The following ZNF83 variants were observed in gnomAD, a reference collection of about 807,000 sequenced individuals.
ZNF83 encodes the protein zinc finger protein 83, also known as zinc finger protein 816B.
For synonymous variants in ZNF83, 209 were observed against 213.0 expected, an observed-to-expected ratio of 0.98 and a Z score of 0.17; for missense variants, 552 against 629.9, an observed-to-expected ratio of 0.88 and a Z score of 1.32.
chr19:52,659,613 C>CAAAAAAAAAAAAAA (rs67918270), intron 2 of ZNF83, among the ~76,000 whole-genome samples: 13 of 114,240 alleles, frequency 1.1e-4, no homozygotes, highest in South Asian at 3.0e-4. Context: ...GACTCCAACT[C>CAAAAAAAAAAAAAA]AAAAAAAAAA....
At chr19:52,639,494 T>C (rs1183642433), upstream of ZNF83, among the ~76,000 whole-genome samples, 2 of 141,890 alleles carry the variant, frequency 1.4e-5, no homozygotes, top group Non-Finnish European at 3.0e-5. Context: ...CTGGGCTCAC[T>C]GCAGCCTCTG....
chr19:52,638,142 G>C (rs1285785719), intron 1 of ZNF83, among the ~76,000 whole-genome samples, 170 bp downstream of exon 1: 1 of 152,206 alleles, frequency 6.6e-6, no homozygotes, highest in Non-Finnish European at 1.5e-5. Flanking sequence ...GCCTCAGGGC[G>C]ACTTTAAACC....
intron 3 of ZNF83, chr19:52,652,443 A>G: frequency 2.5e-6 from 1 of 394,520 alleles, no homozygotes; most frequent in Non-Finnish European, 5.0e-6. Flanking sequence ...TGAAAAAAGA[A>G]AAAAAAATGA....
intron 1 of ZNF83, among the ~76,000 whole-genome samples, chr19:52,671,426 C>T (rs1353064461): frequency 6.6e-6 from 1 of 151,898 alleles, no homozygotes; most frequent in Non-Finnish European, 1.5e-5. Context: ...AGAAAATGTA[C>T]CTTTTATCTT....
intron 1 of ZNF83, among the ~76,000 whole-genome samples, chr19:52,669,768 C>T (rs1474416888): frequency 1.3e-5 from 2 of 152,162 alleles, no homozygotes; most frequent in Non-Finnish European, 2.9e-5. Context: ...TGTACTTATT[C>T]TTGTCAGGTG....
intron 2 of ZNF83, among the ~76,000 whole-genome samples, chr19:52,630,519 AG>A (rs2060916327): frequency 6.6e-6 from 1 of 152,078 alleles, no homozygotes; most frequent in Non-Finnish European, 1.5e-5. Flanking sequence ...CCACCTGCCC[AG>A]TTCCCTTGTT....
chr19:52,619,229 C>G (rs2060441591), intron 2 of ZNF83, among the ~76,000 whole-genome samples: 1 of 151,844 alleles, frequency 6.6e-6, no homozygotes. Flanking sequence ...TTTGATTATA[C>G]TTTTTGAAGA....
chr19:52,634,809 C>T (rs1249214436), intron 2 of ZNF83, among the ~76,000 whole-genome samples: 1 of 152,130 alleles, frequency 6.6e-6, no homozygotes, highest in Non-Finnish European at 1.5e-5. Context: ...ACGGGACCCT[C>T]ACCCCGTCTC....
chr19:52,618,920 G>C lies in ZNF83; in HGVS notation c.-233-4123C>G, dbSNP rs143384463. 120 of 1,547,834 alleles carry C rather than the reference G, an allele frequency of 7.8e-5. 13 individuals are homozygous for C. Among genetic ancestry groups the C allele is most frequent in the Middle Eastern group, 5.3e-4 (3 of 5,712 alleles). ...ACAAGGGAACATCCCCACTTCTGGA[G>C]GGAAGTTATCCTCACCCAGGGAGAC... On this transcript the variant is annotated intron_variant, in intron 2 of 2. Coordinates refer to ENST00000301096, the Ensembl canonical transcript of ZNF83.
At chr19:52,633,176 C>T (rs920089563) in intron 2 of ZNF83, among the ~76,000 whole-genome samples, 1 of 152,122 alleles carries the variant, frequency 6.6e-6, no homozygotes, top group Admixed American at 6.6e-5. Context: ...CATCCTGGCT[C>T]AAAAGCTCCC....
At chr19:52,619,045 C>A (rs2060431456) in intron 2 of ZNF83, 1 of 1,612,622 alleles carries the variant, frequency 6.2e-7, no homozygotes, top group Non-Finnish European at 8.5e-7. Context: ...TGGCCACATC[C>A]CTGAATGTCA....
chr19:52,667,081 T>TA (rs2061664395), intron 1 of ZNF83, among the ~76,000 whole-genome samples: 1 of 152,182 alleles, frequency 6.6e-6, no homozygotes, highest in South Asian at 2.1e-4. Flanking sequence ...ATCCCAAACT[T>TA]ACAACGTTTT....
chr19:52,687,986 A>C (rs936763072), intron 1 of ZNF83, among the ~76,000 whole-genome samples: 2 of 152,034 alleles, frequency 1.3e-5, no homozygotes, highest in African/African-American at 2.4e-5. Flanking sequence ...TCCAACTGGA[A>C]GCTAACCTCT....
chr19:52,682,890 A>G (rs373993630), intron 1 of ZNF83, among the ~76,000 whole-genome samples: 16 of 151,744 alleles, frequency 1.1e-4, no homozygotes, highest in East Asian at 9.7e-4. Flanking sequence ...TTTTTTTTCT[A>G]GATGGAGTCT....
chr19:52,625,058 T>G (rs768209987), intron 2 of ZNF83, among the ~76,000 whole-genome samples: 1 of 151,914 alleles, frequency 6.6e-6, no homozygotes, highest in Non-Finnish European at 1.5e-5. Context: ...TTCGTGTTCC[T>G]CATCCTGATC....
chr19:52,689,522 C>T (rs565310319), intron 1 of ZNF83, among the ~76,000 whole-genome samples: 40 of 152,290 alleles, frequency 2.6e-4, no homozygotes, highest in African/African-American at 8.2e-4. Context: ...CTCCCTCACC[C>T]TGATGAGCCT....
intron 2 of ZNF83, among the ~76,000 whole-genome samples, chr19:52,631,840 C>T (rs1089765): frequency 0.55 from 78,878 of 142,526 alleles, 17,748 homozygotes; most frequent in Admixed American, 0.63. Context: ...CCTCTTAGAA[C>T]CTCTCATTTC....
intron 2 of ZNF83, among the ~76,000 whole-genome samples, chr19:52,616,063 C>T (rs566706028): frequency 1.1e-3 from 168 of 152,326 alleles, no homozygotes; most frequent in Non-Finnish European, 2.1e-3. Context: ...GTCTCGAACT[C>T]CTGACCTTAG....
chr19:52,683,805 C>G (rs111923826), intron 1 of ZNF83, among the ~76,000 whole-genome samples: 117 of 152,256 alleles, frequency 7.7e-4, no homozygotes, highest in African/African-American at 2.5e-3. Flanking sequence ...TTTGCCCCAG[C>G]CCCTCAGTCT....
Sources: allele counts gnomAD v4.1 joint callset (sites outside exome capture counted in the v4.1 genomes callset), GRCh38; gene constraint gnomAD v4.1.1; transcripts MANE v1.5; gene names NCBI Gene and HGNC (gene_info 2026-07-23, HGNC 2026-07-21).